Variants in CHST9 observed in about 807,000 individuals in gnomAD.
CHST9 encodes the protein GalNAc-4-sulfotransferase 2.
CHST9 carries 41 observed loss-of-function variants against 44.4 expected under a neutral mutation model. That is an observed-to-expected ratio of 0.92 (90% CI 0.72 to 1.20). The LOEUF is 1.20. Ranked by LOEUF, CHST9 falls within the 50% of genes most tolerant of loss-of-function variation. The probability of loss-of-function intolerance (pLI) is 0.00; values close to 1 mark genes in which losing one functional copy is unlikely to be tolerated. For synonymous variants in CHST9, 171 were observed against 178.4 expected, an observed-to-expected ratio of 0.96 and a Z score of 0.33; for missense variants, 504 against 516.5, an observed-to-expected ratio of 0.98 and a Z score of 0.23.
intron 4 of CHST9, among the ~76,000 whole-genome samples, chr18:27,019,760 T>A (rs1176937941): frequency 2.0e-5 from 3 of 151,104 alleles, no homozygotes; most frequent in Non-Finnish European, 4.4e-5. Flanking sequence ...TTCCCTAATG[T>A]TGGCTTTGCC....
chr18:26,998,811 A>T (rs1326671061), intron 4 of CHST9, among the ~76,000 whole-genome samples: 1 of 151,816 alleles, frequency 6.6e-6, no homozygotes, highest in Non-Finnish European at 1.5e-5. Flanking sequence ...GTTCTTTTTC[A>T]TTCATACCAA....
rs2055467343 is a variant in CHST9 at position 26,913,304 on chromosome 18, A to G, written c.*2955T>C. On this transcript the variant is annotated 3_prime_UTR_variant, in exon 6 of 6. Transcript: ENST00000618847. ...TAATATTATTATTTTCTGTTACAGAATGTTTTATAGACATCTAGCAAGTGG... is the reference window on the plus strand; with the variant it reads ...TAATATTATTATTTTCTGTTACAGAGTGTTTTATAGACATCTAGCAAGTGG... 1.3e-5 allele frequency: 2 copies of G among 152,330 alleles called. No individual in the cohort carries two copies. The highest frequency in any genetic ancestry group is 3.9e-4 in the East Asian group (2 of 5,188). The allele number at this position is 152,330 out of a possible 1,614,324, so 9.4% of individuals were successfully genotyped here. A position where few individuals can be genotyped will look rare whatever the true frequency, so the allele number is the denominator to read the frequency against.
chr18:27,166,398 T>G (rs2058790850), intron 1 of CHST9, among the ~76,000 whole-genome samples: 1 of 152,200 alleles, frequency 6.6e-6, no homozygotes, highest in African/African-American at 2.4e-5. Flanking sequence ...ATTTAAATTC[T>G]TAAGAACTAG....
chr18:26,929,847 T>C (rs1168975862), intron 5 of CHST9, among the ~76,000 whole-genome samples: 1 of 152,020 alleles, frequency 6.6e-6, no homozygotes, highest in Admixed American at 6.5e-5. Flanking sequence ...AAGGTGAAGC[T>C]GGGGGCTATG....
intron 4 of CHST9, among the ~76,000 whole-genome samples, chr18:27,013,059 T>G (rs2057104713): frequency 6.6e-6 from 1 of 152,212 alleles, no homozygotes. Flanking sequence ...CAGATCTAAT[T>G]CTTTCATTAC....
intron 4 of CHST9, among the ~76,000 whole-genome samples, chr18:26,975,751 A>ATG (rs1568117429): frequency 2.2e-5 from 3 of 139,228 alleles, no homozygotes; most frequent in African/African-American, 7.9e-5. Context: ...ATATATATAT[A>ATG]TATATATATA....
At chr18:27,055,067 C>A (rs2057639213) in intron 2 of CHST9, among the ~76,000 whole-genome samples, 1 of 152,120 alleles carries the variant, frequency 6.6e-6, no homozygotes, top group Non-Finnish European at 1.5e-5. Flanking sequence ...TTTGCGTTCA[C>A]TTTCAGGCAT....
intron 4 of CHST9, among the ~76,000 whole-genome samples, chr18:26,997,249 A>G (rs2056897206): frequency 6.6e-6 from 1 of 152,232 alleles, no homozygotes; most frequent in South Asian, 2.1e-4. Flanking sequence ...AAAATAAGTA[A>G]TTCTCCAGCA....
At chr18:27,066,534 C>A (rs1208677698) in intron 2 of CHST9, among the ~76,000 whole-genome samples, 1 of 152,036 alleles carries the variant, frequency 6.6e-6, no homozygotes. Context: ...TCAAGCAATC[C>A]CCTTGCCTTA....
At chr18:27,170,471 A>G (rs7245048) in intron 1 of CHST9, among the ~76,000 whole-genome samples, 119,809 of 152,072 alleles carry the variant, frequency 0.79, 47,401 homozygotes, top group East Asian at 0.92. Context: ...CCCTGATTAA[A>G]CAGTTAATCT....
intron 4 of CHST9, among the ~76,000 whole-genome samples, chr18:27,002,711 T>G (rs1297965852): frequency 6.6e-6 from 1 of 152,184 alleles, no homozygotes; most frequent in Non-Finnish European, 1.5e-5. Flanking sequence ...ATGATGAGTT[T>G]AATGAAATGT....
chr18:27,037,971 A>G (rs2057406772), intron 3 of CHST9, among the ~76,000 whole-genome samples: 1 of 152,156 alleles, frequency 6.6e-6, no homozygotes, highest in Non-Finnish European at 1.5e-5. Flanking sequence ...AAATTCAAAC[A>G]TTACAACTAT....
At position 26,917,353 on chromosome 18, in the gene CHST9, G is replaced by T. The variant is rs937359246; in HGVS notation, c.241-3C>A. 6.2e-7 allele frequency: 1 copy of T among 1,605,624 alleles called. No individual in the cohort carries two copies. The highest frequency in any genetic ancestry group is 1.3e-5 in the African/African-American group (1 of 74,544). On this transcript the variant is annotated splice_polypyrimidine_tract_variant and splice_region_variant and intron_variant, in intron 5 of 5. Transcript: ENST00000618847. The stretch of plus-strand genomic sequence containing the variant: ...TCAGGCATGTGAAACTTGGGGTTCT[G>T]TTAAAATAAAGAAGGAGAAATGTTG...
intron 4 of CHST9, among the ~76,000 whole-genome samples, chr18:26,970,743 A>G (rs546232444): frequency 2.0e-4 from 30 of 152,318 alleles, no homozygotes; most frequent in Admixed American, 1.8e-3. Flanking sequence ...AGGTATCATC[A>G]TAATTGCCAC....
rs2055451432 is a variant in CHST9 at position 26,912,371 on chromosome 18, A to AC, written c.*3887_*3888insG. On this transcript the variant is annotated 3_prime_UTR_variant, in exon 6 of 6. Transcript: ENST00000618847. ...TTTGAAATGTGATAACTAACTAGCT[A>AC]AATACACACACACACACACACACAC... 2.9e-5 allele frequency: 2 copies of AC among 69,810 alleles called. No individual in the cohort carries two copies. The highest frequency in any genetic ancestry group is 1.3e-4 in the Admixed American group (1 of 7,552). The allele number at this position is 69,810 out of a possible 1,614,324, so 4.3% of individuals were successfully genotyped here.
intron 2 of CHST9, 36 bp downstream of exon 2, chr18:27,142,652 GT>G: frequency 6.9e-7 from 1 of 1,446,744 alleles, no homozygotes; most frequent in Non-Finnish European, 9.3e-7. Context: ...AGCTATTATT[GT>G]TACAATTAAA....
At chr18:27,184,287 G>A (rs1039185334) in intron 1 of CHST9, among the ~76,000 whole-genome samples, 2 of 152,160 alleles carry the variant, frequency 1.3e-5, no homozygotes, top group African/African-American at 4.8e-5. Flanking sequence ...CGCAGAGAGA[G>A]AGAAAGGAGG....
chr18:27,003,683 G>A (rs2056980049), intron 4 of CHST9, among the ~76,000 whole-genome samples: 1 of 152,034 alleles, frequency 6.6e-6, no homozygotes. Flanking sequence ...GCACATGACA[G>A]CCAAAAGAAA....
At chr18:26,924,359 G>T (rs1736471234) in intron 5 of CHST9, among the ~76,000 whole-genome samples, 1 of 152,036 alleles carries the variant, frequency 6.6e-6, no homozygotes, top group South Asian at 2.1e-4. Flanking sequence ...GCCCTGGGGT[G>T]GGTGTGGGCA....
Sources: allele counts gnomAD v4.1 joint callset (sites outside exome capture counted in the v4.1 genomes callset), GRCh38; gene constraint gnomAD v4.1.1; transcripts MANE v1.5; gene names NCBI Gene and HGNC (gene_info 2026-07-23, HGNC 2026-07-21).